The following AARD variants were observed in gnomAD, a reference collection of about 807,000 sequenced individuals.
AARD encodes alanine and arginine rich domain containing protein.
Under a neutral mutation model 9.3 loss-of-function variants are expected in AARD, and 9 were observed. The observed-to-expected ratio is 0.97, with a 90% CI of 0.58 to 1.69. The LOEUF (loss-of-function observed/expected upper bound fraction) is 1.69. Among genes scored for constraint, AARD ranks in the 40% most tolerant of loss-of-function variants. The probability of loss-of-function intolerance (pLI) is 0.00; values close to 1 mark genes in which losing one functional copy is unlikely to be tolerated. For missense variants in AARD, 236 were observed against 210.3 expected, an observed-to-expected ratio of 1.12 and a Z score of -0.76; for synonymous variants, 91 against 93.8, an observed-to-expected ratio of 0.97 and a Z score of 0.17.
At chr8:116,939,865 C>T (rs146385939) in intron 1 of AARD, among the ~76,000 whole-genome samples, 273 of 152,346 alleles carry the variant, frequency 1.8e-3, no homozygotes, top group African/African-American at 6.3e-3. Context: ...AGGCTGAAAC[C>T]TGGCGCAGCC....
chr8:116,938,368 G>A lies in AARD; in HGVS notation c.125G>A (p.Ser42Asn), dbSNP rs767432590. Reference protein sequence around the residue: ...PACDFFGDGRSTDIQEEALAA... With the variant: ...PACDFFGDGRNTDIQEEALAA... ...TGCGACTTCTTCGGGGACGGCAGGAGCACGGACATCCAGGAGGAGGCCCTC... is the reference window on the plus strand; with the variant it reads ...TGCGACTTCTTCGGGGACGGCAGGAACACGGACATCCAGGAGGAGGCCCTC... The change falls in exon 1 of 2, where the codon AGC becomes AAC. Residue 42 changes from serine to asparagine, a missense_variant. Ser to Asn is a conservative substitution (Grantham distance 46, BLOSUM62 1). Transcript: ENST00000378279. The A allele has an allele frequency of 1.1e-5, 17 of 1,612,680 alleles. No individual in the cohort carries two copies. The highest frequency in any genetic ancestry group is 2.2e-5 in the East Asian group (1 of 44,860).
rs542421964 is a variant in AARD at position 116,938,404 on chromosome 8, C to A, written c.161C>A (p.Pro54Gln). ...DIQEEALAAS[P>Q]LLEDLRRRLT... ...CAGGAGGAGGCCCTCGCCGCCAGCC[C>A]GCTGCTGGAGGACCTCAGACGACGG... The change falls in exon 1 of 2, where the codon CCG becomes CAG. Residue 54 changes from proline to glutamine, a missense_variant. Physicochemically the swap from Pro to Gln is moderately conservative, Grantham distance 76 (BLOSUM62 -1). Transcript: ENST00000378279. 1.2e-6 allele frequency: 2 copies of A among 1,612,118 alleles called. No homozygotes were observed. Among genetic ancestry groups the A allele is most frequent in the Non-Finnish European group, 1.7e-6 (2 of 1,179,708 alleles).
chr8:116,941,098 G>T (rs1813740090), intron 1 of AARD, among the ~76,000 whole-genome samples: 1 of 152,136 alleles, frequency 6.6e-6, no homozygotes. Flanking sequence ...ACTAGGTTGT[G>T]TGCCCAGGCA....
Position 116,938,512 on chromosome 8 carries a change from A to G in AARD, c.269A>G (p.Glu90Gly), listed in dbSNP as rs1387723415. The G allele has an allele frequency of 2.0e-6, 3 of 1,521,996 alleles. No homozygotes were observed. In the Admixed American group the frequency reaches 6.2e-5, roughly 31 times the overall value. The allele number at this position is 1,521,996 out of a possible 1,614,324, so 94.3% of individuals were successfully genotyped here. The change falls in exon 1 of 2, where the codon GAG becomes GGG. Residue 90 changes from glutamate (E) to glycine (G), a missense_variant. Glu to Gly is a moderately conservative substitution (Grantham distance 98, BLOSUM62 -2). Transcript: ENST00000378279. ...QEAAAAAAAR[E>G]EQSWTGVEAT... ...GCGGCGGCGGCGGCGGCGGCGCGGG[A>G]GGAGCAGAGCTGGACGGGCGTTGAG... is the stretch of plus-strand genomic sequence containing the variant.
At chr8:116,938,948 A>G (rs1813713795) in intron 1 of AARD, among the ~76,000 whole-genome samples, 1 of 152,190 alleles carries the variant, frequency 6.6e-6, no homozygotes, top group African/African-American at 2.4e-5. Flanking sequence ...CTCTTTCTTT[A>G]TGCCCCGCAA....
At chr8:116,941,915 C>T (rs950522566) in intron 1 of AARD, among the ~76,000 whole-genome samples, 21 of 152,238 alleles carry the variant, frequency 1.4e-4, no homozygotes, top group Non-Finnish European at 2.5e-4. Flanking sequence ...GGACTGCCCC[C>T]GGGTAACATG....
intron 1 of AARD, 39 bp downstream of exon 1, chr8:116,938,606 C>G: frequency 7.2e-7 from 1 of 1,390,012 alleles, no homozygotes; most frequent in Non-Finnish European, 9.2e-7. Context: ...CCAGGGCTCC[C>G]TCTCCCGGGT....
rs575118752 is a variant in AARD at position 116,938,485 on chromosome 8, AGGCGGCGGCGGC to A, written c.253_264del (p.Ala85_Ala88del). 1.3e-6 allele frequency: 2 copies of A among 1,558,932 alleles called. No homozygotes were observed. Among genetic ancestry groups the A allele is most frequent in the Admixed American group, 1.9e-5 (1 of 52,110 alleles). On this transcript the variant is annotated inframe_deletion, in exon 1 of 2. Transcript: ENST00000378279. ...CGCGCGATCTCGAGGCGCGTGCAGG[AGGCGGCGGCGGC>A]GGCGGCGGCGCGGGAGGAGCAGAGC...
intron 1 of AARD, 137 bp downstream of exon 1, chr8:116,938,704 C>T: frequency 8.3e-7 from 1 of 1,205,390 alleles, no homozygotes; most frequent in Non-Finnish European, 1.1e-6. Context: ...GTTGACGCCC[C>T]CGCCTCCCCA....
At position 116,943,532 on chromosome 8, in the gene AARD, T is replaced by C. The variant is rs970582306; in HGVS notation, c.*831T>C. Reference sequence around the variant, plus strand: ...AGTCATGCAGCTCAAGGCAGGCAGATGGGTTTGTCCTTAGGATTTTTGAAT... The same window carrying C: ...AGTCATGCAGCTCAAGGCAGGCAGACGGGTTTGTCCTTAGGATTTTTGAAT... On this transcript the variant is annotated 3_prime_UTR_variant, in exon 2 of 2. Coordinates refer to ENST00000378279, the MANE Select transcript of AARD (RefSeq NM_001025357.3). 1.1e-4 allele frequency: 16 copies of C among 152,206 alleles called. No homozygotes were observed. Among genetic ancestry groups the C allele is most frequent in the African/African-American group, 3.9e-4 (16 of 41,440 alleles). 9.4% of individuals were successfully genotyped at this position (152,206 alleles called of 1,614,324 possible).
At chr8:116,942,485 G>A (rs1813754831) in intron 1 of AARD, 73 bp from the exon 2 acceptor site, 1 of 1,285,052 alleles carries the variant, frequency 7.8e-7, no homozygotes, top group Non-Finnish European at 1.1e-6. Flanking sequence ...TATTTCTTCT[G>A]TGTAGTCAGA....
intron 1 of AARD, chr8:116,938,823 C>CTA (rs781594426): frequency 5.3e-5 from 26 of 486,872 alleles, no homozygotes; most frequent in Admixed American, 3.5e-4. Context: ...CAACCCGTTT[C>CTA]TATAGTTTTC....
At chr8:116,941,135 A>G (rs1033141225) in intron 1 of AARD, among the ~76,000 whole-genome samples, 12 of 152,198 alleles carry the variant, frequency 7.9e-5, no homozygotes, top group Non-Finnish European at 1.2e-4. Context: ...GGATACAATT[A>G]TGAATAATAT....
At chr8:116,941,589 G>T (rs954101680) in intron 1 of AARD, among the ~76,000 whole-genome samples, 1 of 152,168 alleles carries the variant, frequency 6.6e-6, no homozygotes, top group Non-Finnish European at 1.5e-5. Flanking sequence ...TTTATTCTTT[G>T]CTAATTCTTG....
chr8:116,941,939 T>G (rs1487465422), intron 1 of AARD, among the ~76,000 whole-genome samples: 1 of 93,610 alleles, frequency 1.1e-5, no homozygotes, highest in Non-Finnish European at 2.8e-5. Flanking sequence ...TAGAGATCTT[T>G]TTTTAAACGC....
At position 116,938,518 on chromosome 8, in the gene AARD, A is replaced by G. The variant is rs1044230448; in HGVS notation, c.275A>G (p.Gln92Arg). 2.0e-5 allele frequency: 30 copies of G among 1,502,408 alleles called. No individual in the cohort carries two copies. The highest frequency in any genetic ancestry group is 2.4e-5 in the Non-Finnish European group (27 of 1,134,154). The allele number at this position is 1,502,408 out of a possible 1,614,324, so 93.1% of individuals were successfully genotyped here. A position where few individuals can be genotyped will look rare whatever the true frequency, so the allele number is the denominator to read the frequency against. ...AAAAAAAREEQSWTGVEATLA... is the reference protein window; with the variant it reads ...AAAAAAAREERSWTGVEATLA... ...GCGGCGGCGGCGGCGCGGGAGGAGC[A>G]GAGCTGGACGGGCGTTGAGGCCACC... is the stretch of plus-strand genomic sequence containing the variant. Residue 92 changes from glutamine (Q) to arginine (R), a missense_variant, in exon 1 of 2, where the codon CAG becomes CGG. Gln to Arg is a conservative substitution (Grantham distance 43). Transcript: ENST00000378279.
chr8:116,940,661 G>A (rs1302697309), intron 1 of AARD, among the ~76,000 whole-genome samples: 3 of 152,122 alleles, frequency 2.0e-5, no homozygotes, highest in Non-Finnish European at 4.4e-5. Flanking sequence ...GATGATATTC[G>A]TAAGGAACGA....
In AARD at chr8:116,938,556, C is replaced by G; in HGVS notation, c.313C>G (p.Arg105Gly). 1 of 1,434,272 alleles carries G rather than the reference C, an allele frequency of 7.0e-7. No homozygotes were observed. Among genetic ancestry groups the G allele is most frequent in the Non-Finnish European group, 9.0e-7 (1 of 1,105,752 alleles). The allele number at this position is 1,434,272 out of a possible 1,614,324, so 88.8% of individuals were successfully genotyped here. ...CGTTGAGGCCACCCTGGCCAGGCTG[C>G]GGGCGGAGCTGGTGAGAGAGCGGGC... ...TGVEATLARL[R>G]AELVEMHFQN... The change falls in exon 1 of 2, where the codon CGG (arginine) becomes GGG (glycine). Residue 105 changes from arginine to glycine, a missense_variant. Physicochemically the swap from Arg to Gly is moderately radical, Grantham distance 125. Transcript: ENST00000378279.
intron 1 of AARD, 174 bp downstream of exon 1, chr8:116,938,741 G>T (rs892531374): frequency 1.0e-6 from 1 of 963,526 alleles, no homozygotes; most frequent in Non-Finnish European, 1.4e-6. Context: ...AAAGGGCCCT[G>T]CAGGACCCAT....
Sources: gnomAD v4.1 joint callset for allele counts (sites outside exome capture counted in the v4.1 genomes callset) on GRCh38, gnomAD v4.1.1 for gene constraint, MANE v1.5 for transcripts, NCBI Gene and HGNC (gene_info 2026-07-23, HGNC 2026-07-21) for gene names.